The following ZEB2 variants were observed in gnomAD, a reference collection of about 807,000 sequenced individuals.
ZEB2 encodes the protein zinc finger E-box binding homeobox 2, also known as zinc finger E-box-binding homeobox 2.
In ZEB2, 6 loss-of-function variants were observed where a neutral mutation model predicts 99.9. The observed-to-expected ratio is 0.06, with a 90% CI of 0.03 to 0.12. ZEB2 has a LOEUF of 0.12. ZEB2 is among the 10% of genes least tolerant of loss of function. The probability of loss-of-function intolerance (pLI) is 1.00; values close to 1 mark genes in which losing one functional copy is unlikely to be tolerated. For missense variants in ZEB2, 969 were observed against 1,502.8 expected (o/e 0.64, Z 5.87); for synonymous variants, 517 against 542.5 (o/e 0.95, Z 0.65).
intron 2 of ZEB2, among the ~76,000 whole-genome samples, 164 bp from the exon 3 acceptor site, chr2:144,430,190 T>C (rs561477947): frequency 6.6e-6 from 1 of 152,350 alleles, no homozygotes; most frequent in South Asian, 2.1e-4. Context: ...GCATTTTTAT[T>C]CTTTTTCAAT....
In ZEB2 at chr2:144,513,067, C is replaced by T. The variant is rs1363844834; in HGVS notation, c.73+4211G>A. On this transcript the variant is annotated intron_variant, in intron 2 of 9. Coordinates refer to ENST00000627532, the MANE Select transcript of ZEB2 (RefSeq NM_014795.4). ...CTAAGTGTGTATGACTCTCGTTGCC[C>T]CATCCCAACTTCACCTCTCAGGGAG... 7 of 1,287,068 alleles carry T rather than the reference C, an allele frequency of 5.4e-6. No individual in the cohort carries two copies. In the East Asian group the frequency reaches 3.9e-4, roughly 71 times the overall value. 79.7% of individuals were successfully genotyped at this position (1,287,068 alleles called of 1,614,324 possible).
chr2:144,450,825 A>G (rs1358381280), intron 2 of ZEB2, among the ~76,000 whole-genome samples: 1 of 152,006 alleles, frequency 6.6e-6, no homozygotes, highest in African/African-American at 2.4e-5. Context: ...ACAGGCGCCC[A>G]CCACCACGCC....
chr2:144,401,984 A>C (rs897411938), intron 6 of ZEB2, among the ~76,000 whole-genome samples: 1 of 152,352 alleles, frequency 6.6e-6, no homozygotes, highest in South Asian at 2.1e-4. Context: ...CAAACGTAAG[A>C]GACAACATCT....
intron 2 of ZEB2, among the ~76,000 whole-genome samples, chr2:144,471,153 C>A (rs1704349441): frequency 6.6e-6 from 1 of 152,134 alleles, no homozygotes. Context: ...TAAAATCCTT[C>A]CTGTTTAGAA....
At chr2:144,512,566 T>A (rs1230522695) in intron 2 of ZEB2, 6 of 1,287,076 alleles carry the variant, frequency 4.7e-6, no homozygotes, top group South Asian at 2.5e-5. Context: ...TTACCCTATT[T>A]GAAAACAAAT....
At chr2:144,404,583 T>C (rs1167735874) in intron 5 of ZEB2, among the ~76,000 whole-genome samples, 1 of 152,164 alleles carries the variant, frequency 6.6e-6, no homozygotes, top group East Asian at 1.9e-4. Flanking sequence ...TAGGAATACA[T>C]TTAGATATTT....
At chr2:144,427,801 G>A (rs146227739) in intron 3 of ZEB2, 3,682 of 152,242 alleles carry the variant, frequency 0.024, 54 homozygotes, top group Non-Finnish European at 0.038. Context: ...TTTAATTATT[G>A]TGACTCCAGA....
intron 2 of ZEB2, chr2:144,482,393 T>C (rs889398316): frequency 4.6e-5 from 7 of 152,256 alleles, no homozygotes; most frequent in East Asian, 1.9e-4. Context: ...CTCCTCTCCA[T>C]TGACATCCAA....
At chr2:144,476,362 G>A (rs1264786432) in intron 2 of ZEB2, among the ~76,000 whole-genome samples, 2 of 152,066 alleles carry the variant, frequency 1.3e-5, no homozygotes, top group Middle Eastern at 3.2e-3. Context: ...GGGCCTCAAG[G>A]GGTTAACATG....
chr2:144,396,516 C>A lies in ZEB2; in HGVS notation c.2963G>T (p.Arg988Leu). Residue 988 changes from arginine to leucine, a missense_variant, in exon 9 of 10, where the codon CGC becomes CTC. Around this residue, in one of 8 missense-constraint regions of ZEB2, gnomAD observed 346 missense variants for 460.0 expected, o/e 0.75. Coordinates refer to ENST00000627532, the MANE Select transcript of ZEB2 (RefSeq NM_014795.4). Reference sequence around the variant, plus strand: ...ACTCTCTGTCTTCTTGATCTTTTTGCGAGACAGACAGGAGTCGGAGTCTGT... The same window carrying A: ...ACTCTCTGTCTTCTTGATCTTTTTGAGAGACAGACAGGAGTCGGAGTCTGT... ...DMTDSDSCLS[R>L]KKIKKTESGM... is the part of the protein sequence containing the mutation. 6.2e-7 allele frequency: 1 copy of A among 1,614,040 alleles called. No individual in the cohort carries two copies. Among genetic ancestry groups the A allele is most frequent in the Non-Finnish European group, 8.5e-7 (1 of 1,179,978 alleles).
chr2:144,465,111 C>T (rs1455511181), intron 2 of ZEB2, among the ~76,000 whole-genome samples: 2 of 152,136 alleles, frequency 1.3e-5, no homozygotes, highest in Admixed American at 6.6e-5. Flanking sequence ...ATCTTTACCC[C>T]GTTTGTAGAC....
Position 144,424,652 on chromosome 2 carries a change from T to A in ZEB2, c.403+144A>T, listed in dbSNP as rs574328467. On this transcript the variant is annotated intron_variant, in intron 4 of 9. Transcript: ENST00000627532. The stretch of plus-strand genomic sequence containing the variant: ...ATACCAAAATGTAGGAAATTTTGAT[T>A]TGAAACAAAACCAGAGACCTGTAAA... The A allele has an allele frequency of 8.2e-6, 8 of 978,848 alleles. No homozygotes were observed. In the African/African-American group the frequency reaches 1.3e-4, roughly 16 times the overall value. The allele number at this position is 978,848 out of a possible 1,614,324, so 60.6% of individuals were successfully genotyped here.
intron 2 of ZEB2, among the ~76,000 whole-genome samples, chr2:144,481,768 G>A (rs1345677493): frequency 6.6e-6 from 1 of 152,156 alleles, no homozygotes; most frequent in Non-Finnish European, 1.5e-5. Context: ...TACTTTATAT[G>A]CATTATGAAT....
At chr2:144,401,077 G>T in intron 7 of ZEB2, 122 bp downstream of exon 7, 1 of 869,584 alleles carries the variant, frequency 1.1e-6, no homozygotes. Flanking sequence ...ACACAGAGTT[G>T]ATGAAATAAA....
intron 2 of ZEB2, among the ~76,000 whole-genome samples, chr2:144,436,339 C>T (rs1421769800): frequency 2.6e-5 from 4 of 152,092 alleles, no homozygotes; most frequent in Non-Finnish European, 4.4e-5. Flanking sequence ...CAGGAACATT[C>T]GAAGGCATTA....
At chr2:144,498,530 T>C (rs1005051809) in intron 2 of ZEB2, among the ~76,000 whole-genome samples, 1 of 152,130 alleles carries the variant, frequency 6.6e-6, no homozygotes, top group African/African-American at 2.4e-5. Context: ...ATCGTCATCA[T>C]CACAGTTAGT....
At chr2:144,497,049 T>G (rs910641536) in intron 2 of ZEB2, among the ~76,000 whole-genome samples, 1 of 152,212 alleles carries the variant, frequency 6.6e-6, no homozygotes, top group Non-Finnish European at 1.5e-5. Context: ...CTCAGTTGGC[T>G]GACAATGCCT....
intron 4 of ZEB2, 126 bp downstream of exon 4, chr2:144,424,670 C>G: frequency 8.9e-7 from 1 of 1,121,362 alleles, no homozygotes; most frequent in Non-Finnish European, 1.3e-6. Flanking sequence ...AAACCAGAGA[C>G]CTGTAAAGTT....
rs1560609110 is a variant in ZEB2, at chr2:144,403,929, G to A, written c.794C>T (p.Pro265Leu). 1 of 1,614,142 alleles carries A rather than the reference G, an allele frequency of 6.2e-7. No homozygotes were observed. The highest frequency in any genetic ancestry group is 8.5e-7 in the Non-Finnish European group (1 of 1,180,030). Residue 265 changes from proline to leucine, a missense_variant, in exon 6 of 10, where the codon CCA (proline) becomes CTA (leucine). Physicochemically the swap from Pro to Leu is moderately conservative, Grantham distance 98. This residue lies in a region of ZEB2 where 65 missense variants were observed against 147.7 expected (regional missense o/e 0.44). Transcript: ENST00000627532. ...QLERHMVTHK[P>L]GTDQHQMLTQ... ...CCATCCCCCCACCTGATCTGTCCCT[G>A]GCTTGTGTGTCACCATATGCCGCTC...
Sources: gnomAD v4.1 joint callset for allele counts (sites outside exome capture counted in the v4.1 genomes callset) on GRCh38, gnomAD v4.1.1 for gene constraint, gnomAD v4.1.1 regional missense constraint, MANE v1.5 for transcripts, NCBI Gene and HGNC (gene_info 2026-07-23, HGNC 2026-07-21) for gene names.